Variants in MTMR7 observed in about 807,000 individuals in gnomAD.
The protein encoded by MTMR7 is phosphatidylinositol-3-phosphate phosphatase MTMR7.
MTMR7 carries 76 observed loss-of-function variants against 81.2 expected under a neutral mutation model. The observed-to-expected ratio is 0.94, with a 90% CI of 0.78 to 1.13. The LOEUF is 1.13. MTMR7 is among the 50% of genes most tolerant of loss of function. MTMR7 has a pLI of 0.00. For missense variants in MTMR7, 1,044 were observed against 820.0 expected (o/e 1.27, Z -3.34); for synonymous variants, 372 against 289.8 (o/e 1.28, Z -2.88).
chr8:17,350,493 A>G (rs1001141679), intron 4 of MTMR7, among the ~76,000 whole-genome samples: 1 of 152,162 alleles, frequency 6.6e-6, no homozygotes, highest in South Asian at 2.1e-4. Context: ...ACACCATGGG[A>G]AAGACCAGCT....
At chr8:17,346,664 G>T (rs1424990248) in intron 5 of MTMR7, among the ~76,000 whole-genome samples, 2 of 151,754 alleles carry the variant, frequency 1.3e-5, no homozygotes, top group African/African-American at 4.9e-5. Flanking sequence ...AATATAAAAA[G>T]GGAGTTGCTA....
At chr8:17,348,067 G>A (rs1198744097) in intron 5 of MTMR7, among the ~76,000 whole-genome samples, 1 of 152,020 alleles carries the variant, frequency 6.6e-6, no homozygotes, top group African/African-American at 2.4e-5. Flanking sequence ...GCGCACCCTG[G>A]TAATTTTACG....
At chr8:17,316,665 CA>C in intron 7 of MTMR7, among the ~76,000 whole-genome samples, 1 of 152,052 alleles carries the variant, frequency 6.6e-6, no homozygotes, top group Non-Finnish European at 1.5e-5. Context: ...ATAAAAATAA[CA>C]ATACAACAAA....
At chr8:17,306,467 T>C (rs1817461884) in intron 10 of MTMR7, among the ~76,000 whole-genome samples, 1 of 152,150 alleles carries the variant, frequency 6.6e-6, no homozygotes, top group African/African-American at 2.4e-5. Flanking sequence ...TCACGTGATT[T>C]ATTTCCATGT....
chr8:17,307,643 C>A (rs917506589), intron 10 of MTMR7, among the ~76,000 whole-genome samples: 3 of 152,134 alleles, frequency 2.0e-5, no homozygotes, highest in Non-Finnish European at 2.9e-5. Context: ...ACCTATATGT[C>A]CAACAACAAT....
intron 1 of MTMR7, among the ~76,000 whole-genome samples, chr8:17,403,652 G>A (rs1348491855): frequency 6.6e-6 from 1 of 152,116 alleles, no homozygotes; most frequent in African/African-American, 2.4e-5. Flanking sequence ...TTTGTAGATT[G>A]CTTTGGGTTG....
chr8:17,312,286 C>T (rs1399017828), intron 8 of MTMR7, among the ~76,000 whole-genome samples: 1 of 152,090 alleles, frequency 6.6e-6, no homozygotes, highest in East Asian at 1.9e-4. Context: ...TATTAATACT[C>T]TGTCTCAGCT....
At chr8:17,372,927 T>C in intron 2 of MTMR7, 191 bp downstream of exon 2, 1 of 590,580 alleles carries the variant, frequency 1.7e-6, no homozygotes, top group Non-Finnish European at 2.8e-6. Context: ...ATAATTCATG[T>C]TTAAAATGAA....
intron 1 of MTMR7, among the ~76,000 whole-genome samples, chr8:17,382,873 C>T (rs925180238): frequency 1.3e-5 from 2 of 152,116 alleles, no homozygotes; most frequent in African/African-American, 4.8e-5. Flanking sequence ...AAATACACAA[C>T]AGTTAATGTA....
intron 5 of MTMR7, among the ~76,000 whole-genome samples, chr8:17,347,890 C>G (rs923009088): frequency 1.3e-5 from 2 of 152,148 alleles, no homozygotes; most frequent in African/African-American, 4.8e-5. Context: ...ACAACATTAG[C>G]CCTCCGTCAC....
chr8:17,298,261 T>G lies in MTMR7; in HGVS notation c.*1601A>C, dbSNP rs1388323894. On this transcript the variant is annotated 3_prime_UTR_variant, in exon 14 of 14. Coordinates refer to ENST00000180173, the MANE Select transcript of MTMR7 (RefSeq NM_004686.5). ...ATTACATATAGTATATTGCAGAAAA[T>G]GAATAAACATTCCTTGTACTTAATT... is the stretch of plus-strand genomic sequence containing the variant. The G allele has an allele frequency of 6.6e-6, 1 of 152,076 alleles. No homozygotes were observed. The highest frequency in any genetic ancestry group is 2.4e-5 in the African/African-American group (1 of 41,448). The allele number at this position is 152,076 out of a possible 1,614,324, so 9.4% of individuals were successfully genotyped here.
intron 7 of MTMR7, among the ~76,000 whole-genome samples, chr8:17,329,957 T>G (rs1818910414): frequency 1.3e-5 from 2 of 152,152 alleles, no homozygotes; most frequent in Admixed American, 1.3e-4. Flanking sequence ...AGGAAGGGAT[T>G]TCTGCTACAG....
intron 5 of MTMR7, among the ~76,000 whole-genome samples, chr8:17,344,913 G>A (rs1411392962): frequency 1.3e-5 from 2 of 152,046 alleles, no homozygotes; most frequent in East Asian, 3.9e-4. Context: ...TCCTCGAAAT[G>A]TGTACTGTAA....
chr8:17,301,992 C>T (rs1168602943), intron 13 of MTMR7, 162 bp downstream of exon 13: 23 of 864,070 alleles, frequency 2.7e-5, no homozygotes, highest in Middle Eastern at 3.6e-4. Flanking sequence ...GTTTGGGCTT[C>T]GGTTATCTGA....
intron 3 of MTMR7, 70 bp from the exon 4 acceptor site, chr8:17,361,344 T>C (rs1018596789): frequency 1.9e-6 from 3 of 1,574,776 alleles, no homozygotes; most frequent in East Asian, 4.5e-5. Context: ...CCCGAAAACA[T>C]TCTGTCCCAC....
At chr8:17,356,744 C>T (rs1819900718) in intron 4 of MTMR7, among the ~76,000 whole-genome samples, 1 of 151,768 alleles carries the variant, frequency 6.6e-6, no homozygotes, top group African/African-American at 2.4e-5. Flanking sequence ...CCTTGGGTAT[C>T]AGTGTGTGTG....
At chr8:17,389,215 C>T (rs1246219945) in intron 1 of MTMR7, among the ~76,000 whole-genome samples, 1 of 152,214 alleles carries the variant, frequency 6.6e-6, no homozygotes, top group Non-Finnish European at 1.5e-5. Context: ...ATTCACTGTC[C>T]TCTGAATTGC....
At chr8:17,390,093 TC>T (rs1354292174) in intron 1 of MTMR7, among the ~76,000 whole-genome samples, 1 of 149,684 alleles carries the variant, frequency 6.7e-6, no homozygotes, top group African/African-American at 2.5e-5. Context: ...AAAAAAGAAA[TC>T]CCTCATGTAT....
chr8:17,333,806 G>A (rs1303690043), intron 6 of MTMR7, among the ~76,000 whole-genome samples: 1 of 152,074 alleles, frequency 6.6e-6, no homozygotes, highest in Non-Finnish European at 1.5e-5. Flanking sequence ...CTGTGATCGT[G>A]CCACTGTACT....
Sources: gnomAD v4.1 joint callset for allele counts (sites outside exome capture counted in the v4.1 genomes callset) on GRCh38, gnomAD v4.1.1 for gene constraint, MANE v1.5 for transcripts, NCBI Gene and HGNC (gene_info 2026-07-23, HGNC 2026-07-21) for gene names.